CNTN5: variants seen among roughly 807,000 people sequenced by gnomAD.
CNTN5 encodes contactin 5, also known as contactin-5.
In CNTN5, 77 loss-of-function variants were observed where a neutral mutation model predicts 129.1. The ratio of observed to expected loss-of-function variants is 0.60; its 90% CI spans 0.50 to 0.72. The LOEUF is 0.72. Among genes scored for constraint, CNTN5 ranks in the 30% least tolerant of loss-of-function variants. The pLI is 0.00. For missense variants in CNTN5, 1,478 were observed against 1,328.8 expected (o/e 1.11, Z -1.75); for synonymous variants, 509 against 465.6 (o/e 1.09, Z -1.20).
chr11:100,179,076 C>T (rs1369592369), intron 13 of CNTN5, among the ~76,000 whole-genome samples: 1 of 152,104 alleles, frequency 6.6e-6, no homozygotes, highest in Non-Finnish European at 1.5e-5. Context: ...GTGAACATTC[C>T]AATTGTACTC....
At chr11:99,408,763 A>G (rs1942253292) in intron 2 of CNTN5, among the ~76,000 whole-genome samples, 1 of 152,212 alleles carries the variant, frequency 6.6e-6, no homozygotes, top group African/African-American at 2.4e-5. Context: ...GAACTTGGCC[A>G]CCCAATTAAA....
chr11:100,084,731 T>G (rs1212463001), intron 13 of CNTN5, among the ~76,000 whole-genome samples: 1 of 152,122 alleles, frequency 6.6e-6, no homozygotes, highest in Non-Finnish European at 1.5e-5. Context: ...ATAAAATACC[T>G]ATACATTTTA....
chr11:99,781,074 T>C (rs1945294171), intron 3 of CNTN5, among the ~76,000 whole-genome samples: 1 of 152,090 alleles, frequency 6.6e-6, no homozygotes, highest in African/African-American at 2.4e-5. Flanking sequence ...CCAAATTTAG[T>C]CTTAGTTCTG....
At chr11:99,718,186 T>G (rs931096842) in intron 3 of CNTN5, among the ~76,000 whole-genome samples, 1 of 152,158 alleles carries the variant, frequency 6.6e-6, no homozygotes, top group Admixed American at 6.6e-5. Flanking sequence ...TGATTGTTAT[T>G]CTAAGCCTTT....
chr11:99,213,874 T>C (rs1404776194), intron 1 of CNTN5, among the ~76,000 whole-genome samples: 1 of 152,142 alleles, frequency 6.6e-6, no homozygotes, highest in Non-Finnish European at 1.5e-5. Context: ...ATTTCTACCA[T>C]GCTGAGAATA....
intron 20 of CNTN5, among the ~76,000 whole-genome samples, chr11:100,302,787 A>G (rs1951256225): frequency 6.6e-6 from 1 of 151,618 alleles, no homozygotes; most frequent in South Asian, 2.1e-4. Flanking sequence ...ATAAGTGTGT[A>G]TGTGCATTCT....
At chr11:99,756,135 A>G (rs1244788535) in intron 3 of CNTN5, among the ~76,000 whole-genome samples, 1 of 152,140 alleles carries the variant, frequency 6.6e-6, no homozygotes, top group Non-Finnish European at 1.5e-5. Flanking sequence ...AAACAAGAAT[A>G]CTATGAATAA....
At chr11:99,668,590 T>C (rs1266734678) in intron 3 of CNTN5, among the ~76,000 whole-genome samples, 2 of 152,176 alleles carry the variant, frequency 1.3e-5, no homozygotes, top group African/African-American at 4.8e-5. Flanking sequence ...ATTATACTAC[T>C]AGTTATCGCT....
Position 100,074,124 on chromosome 11 carries a change from A to ACATTT in CNTN5, c.1430-20_1430-19insCATTT. ...ATTGTCATTGCTTCTGGTAGAAACT[A>ACATTT]ACATTTGCTTTTTTAATAGCTTCAG... On this transcript the variant is annotated intron_variant, in intron 12 of 24. Coordinates refer to ENST00000524871, the MANE Select transcript of CNTN5 (RefSeq NM_014361.4). 1 of 1,601,964 alleles carries ACATTT rather than the reference A, an allele frequency of 6.2e-7. No individual in the cohort carries two copies. The highest frequency in any genetic ancestry group is 8.5e-7 in the Non-Finnish European group (1 of 1,175,128).
intron 3 of CNTN5, among the ~76,000 whole-genome samples, chr11:99,584,836 G>A (rs1015253890): frequency 3.9e-5 from 6 of 152,188 alleles, no homozygotes; most frequent in African/African-American, 1.4e-4. Flanking sequence ...TTGAAAGAAA[G>A]AACAACAGAC....
At chr11:99,661,320 T>C (rs1244957562) in intron 3 of CNTN5, among the ~76,000 whole-genome samples, 4 of 152,176 alleles carry the variant, frequency 2.6e-5, no homozygotes, top group African/African-American at 7.2e-5. Flanking sequence ...TGCAAAGCAG[T>C]AATGAAATTA....
chr11:99,858,534 GCC>G (rs200303584), intron 6 of CNTN5, among the ~76,000 whole-genome samples: 6 of 151,612 alleles, frequency 4.0e-5, no homozygotes, highest in Non-Finnish European at 7.4e-5. Flanking sequence ...ACTAACAGTT[GCC>G]AAAGCTATCA....
chr11:99,740,041 CAAATACT>C (rs1288335924), intron 3 of CNTN5, among the ~76,000 whole-genome samples: 1 of 143,020 alleles, frequency 7.0e-6, no homozygotes, highest in Non-Finnish European at 1.5e-5. Flanking sequence ...AAAACATTAT[CAAATACT>C]ATAATATTAT....
intron 13 of CNTN5, among the ~76,000 whole-genome samples, chr11:100,091,707 G>A (rs530400972): frequency 2.0e-5 from 3 of 152,004 alleles, no homozygotes; most frequent in Non-Finnish European, 4.4e-5. Flanking sequence ...GATTACAGGT[G>A]TAAGCCACCG....
At chr11:99,425,862 C>T (rs1943097774) in intron 2 of CNTN5, among the ~76,000 whole-genome samples, 1 of 152,244 alleles carries the variant, frequency 6.6e-6, no homozygotes, top group Non-Finnish European at 1.5e-5. Context: ...CTACTCCTCC[C>T]CCACTGCAGC....
intron 21 of CNTN5, among the ~76,000 whole-genome samples, chr11:100,330,769 C>A (rs939059796): frequency 2.6e-5 from 4 of 152,130 alleles, no homozygotes; most frequent in Non-Finnish European, 5.9e-5. Flanking sequence ...TCCAGACAAA[C>A]AAATGCTGAG....
chr11:99,942,120 T>C (rs1036569188), intron 7 of CNTN5, among the ~76,000 whole-genome samples: 14 of 152,100 alleles, frequency 9.2e-5, no homozygotes, highest in Admixed American at 3.3e-4. Flanking sequence ...TCTTTACTGG[T>C]AACATAACAC....
chr11:100,341,164 G>C lies in CNTN5; in HGVS notation c.2989G>C (p.Val997Leu). The C allele has an allele frequency of 6.2e-7, 1 of 1,613,826 alleles. No homozygotes were observed. The highest frequency in any genetic ancestry group is 1.7e-5 in the Admixed American group (1 of 60,010). ...TCAGGTTTCTCTGGGCTGGGAACCCGTCATACCATTAGCCAACGAATCTGA... is the reference window on the plus strand; with the variant it reads ...TCAGGTTTCTCTGGGCTGGGAACCCCTCATACCATTAGCCAACGAATCTGA... ...GSQVSLGWEP[V>L]IPLANESEVV... The change falls in exon 23 of 25, where the codon GTC (valine) becomes CTC (leucine). Residue 997 changes from valine to leucine, a missense_variant. Physicochemically the swap from Val to Leu is conservative, Grantham distance 32. Transcript: ENST00000524871.
intron 2 of CNTN5, among the ~76,000 whole-genome samples, chr11:99,494,148 C>T (rs1946138938): frequency 6.6e-6 from 1 of 152,122 alleles, no homozygotes. Context: ...GAATTCTCCC[C>T]TGGATCTGAT....
Sources: gnomAD v4.1 joint callset for allele counts (sites outside exome capture counted in the v4.1 genomes callset) on GRCh38, gnomAD v4.1.1 for gene constraint, MANE v1.5 for transcripts, NCBI Gene and HGNC (gene_info 2026-07-23, HGNC 2026-07-21) for gene names.